POM121: variants seen among roughly 807,000 people sequenced by gnomAD.
POM121 encodes nuclear envelope pore membrane protein POM 121.
POM121 carries 32 observed loss-of-function variants against 81.3 expected under a neutral mutation model. That is an observed-to-expected ratio of 0.39 (90% CI 0.30 to 0.53). The LOEUF (loss-of-function observed/expected upper bound fraction) is 0.53. Among genes scored for constraint, POM121 ranks in the 20% least tolerant of loss-of-function variants. The pLI, the probability that POM121 is intolerant of heterozygous loss-of-function variation, is 0.66. For missense variants in POM121, 1,138 were observed against 1,614.6 expected (o/e 0.70, Z 5.06); for synonymous variants, 514 against 694.2 (o/e 0.74, Z 4.08).
chr7:72,948,893 T>A, downstream of POM121: 1 of 1,611,642 alleles, frequency 6.2e-7, no homozygotes, highest in South Asian at 1.1e-5. Context: ...GCCCTGTACC[T>A]GAAGGCGCCC....
At chr7:72,892,719 G>A (rs1427031312) in intron 3 of POM121, among the ~76,000 whole-genome samples, 4 of 151,506 alleles carry the variant, frequency 2.6e-5, no homozygotes, top group Non-Finnish European at 4.4e-5. Context: ...AGGCTGGAGT[G>A]CAATGGCATG....
Position 72,943,198 on chromosome 7 carries a change from A to G in POM121, c.3205A>G (p.Thr1069Ala), listed in dbSNP as rs782644189. The G allele has an allele frequency of 1.3e-5, 21 of 1,613,170 alleles. No individual in the cohort carries two copies. In the South Asian group the frequency reaches 2.2e-4, roughly 17 times the overall value. ...CACTGCTGTCTTCTTCGGTGCAGCC[A>G]CCAGCTCCGGCTTTGGAGCCACCAC... ...GSTAVFFGAA[T>A]SSGFGATTQT... The change falls in exon 11 of 13, where the codon ACC becomes GCC. Residue 1069 changes from threonine to alanine, a missense_variant. Physicochemically the swap from Thr to Ala is moderately conservative, Grantham distance 58. This residue lies in a region of POM121 where 336 missense variants were observed against 344.3 expected (regional missense o/e 0.98). Transcript: ENST00000434423.
chr7:72,902,612 T>A (rs529813160), intron 3 of POM121, among the ~76,000 whole-genome samples: 57 of 152,282 alleles, frequency 3.7e-4, no homozygotes, highest in Non-Finnish European at 7.6e-4. Flanking sequence ...CACTGCAGGC[T>A]TGACTTCTCA....
chr7:72,901,214 T>G (rs1160422489), intron 3 of POM121, among the ~76,000 whole-genome samples: 8 of 151,650 alleles, frequency 5.3e-5, no homozygotes, highest in Non-Finnish European at 1.2e-4. Context: ...TTTTTTCTTT[T>G]TTTCTTTTTT....
At chr7:72,912,704 G>A (rs1407955320) in intron 3 of POM121, among the ~76,000 whole-genome samples, 32 of 152,108 alleles carry the variant, frequency 2.1e-4, no homozygotes, top group African/African-American at 7.2e-4. Flanking sequence ...GCTTGAACCC[G>A]GGAGGCAGAG....
Position 72,940,982 on chromosome 7 carries a change from C to A in POM121, c.1832C>A (p.Pro611Gln), listed in dbSNP as rs558321367. ...AAGATGCAGACTCCCCCGAGCCTGCCACCCTGCCCAGGTGAGCTGGAGTGG... is the reference window on the plus strand; with the variant it reads ...AAGATGCAGACTCCCCCGAGCCTGCAACCCTGCCCAGGTGAGCTGGAGTGG... The part of the protein sequence containing the change: ...LKKMQTPPSL[P>Q]PCPESAGAAT... Residue 611 changes from proline (P) to glutamine (Q), a missense_variant, in exon 10 of 13, where the codon CCA becomes CAA. Transcript: ENST00000434423. 6.3e-7 allele frequency: 1 copy of A among 1,588,826 alleles called. No homozygotes were observed. Among genetic ancestry groups the A allele is most frequent in the African/African-American group, 1.4e-5 (1 of 73,054 alleles).
chr7:72,936,694 G>A (rs1200086397), intron 5 of POM121, among the ~76,000 whole-genome samples: 2 of 152,204 alleles, frequency 1.3e-5, no homozygotes, highest in Non-Finnish European at 2.9e-5. Flanking sequence ...TTACAGGTGT[G>A]AGCCACCTCG....
At chr7:72,929,035 C>A (rs1279888273) in intron 4 of POM121, among the ~76,000 whole-genome samples, 1 of 152,196 alleles carries the variant, frequency 6.6e-6, no homozygotes, top group East Asian at 1.9e-4. Context: ...GTGGTCAGAT[C>A]AGTGTACTGC....
intron 3 of POM121, among the ~76,000 whole-genome samples, chr7:72,907,962 A>AT (rs1169369230): frequency 2.0e-5 from 3 of 151,034 alleles, no homozygotes; most frequent in Admixed American, 6.6e-5. Context: ...TTTCTATGTA[A>AT]TTTTTTTTCT....
intron 3 of POM121, among the ~76,000 whole-genome samples, chr7:72,894,639 G>GAGAGAA (rs1791708415): frequency 8.4e-6 from 1 of 118,672 alleles, no homozygotes; most frequent in African/African-American, 3.6e-5. Flanking sequence ...GAGAGAGAGA[G>GAGAGAA]AGAGAGAGAG....
chr7:72,891,942 A>G (rs62463394), intron 3 of POM121, among the ~76,000 whole-genome samples: 17,128 of 152,080 alleles, frequency 0.11, 1,255 homozygotes, highest in East Asian at 0.31. Context: ...TATTTCCCCA[A>G]GTCCATGCTC....
At chr7:72,890,993 C>G in exon 3 of POM121, 1 of 1,196,546 alleles carries the variant, frequency 8.4e-7, no homozygotes, top group Admixed American at 1.9e-5. Context: ...TGCCCAAGTC[C>G]TTCTTCTTTT....
rs549288638 is a variant in POM121 at position 72,898,934 on chromosome 7, G to GCTC, written c.-216+7825_-216+7827dup. On this transcript the variant is annotated intron_variant, in intron 3 of 15. Transcript: ENST00000395270. ...GAGGGTGAGTTCTTTGAGAGGAGAG[G>GCTC]CTCTGTTTTATTTTGTGTTTCTGTG... 3.0e-4 allele frequency among the ~76,000 whole-genome samples: 46 copies of GCTC among 151,080 alleles called. No individual in the cohort carries two copies. In the South Asian group the frequency reaches 9.4e-3, roughly 31 times the overall value.
In POM121 at chr7:72,928,485, G is replaced by A; in HGVS notation, c.1103+20G>A. ...GCCTAAGTAAGTGGGAGTCCATCCG[G>A]ATGAAATACCAACTGTTTGGAAAAA... On this transcript the variant is annotated intron_variant, in intron 4 of 12. Coordinates refer to ENST00000434423, the MANE Select transcript of POM121 (RefSeq NM_001387691.1). The A allele has an allele frequency of 4.3e-6, 7 of 1,609,590 alleles. No homozygotes were observed. Among genetic ancestry groups the A allele is most frequent in the Non-Finnish European group, 6.0e-6 (7 of 1,175,876 alleles).
chr7:72,897,343 A>G (rs1554491860), intron 3 of POM121, among the ~76,000 whole-genome samples: 2 of 152,214 alleles, frequency 1.3e-5, no homozygotes, highest in African/African-American at 2.4e-5. Context: ...AAGGAACAGC[A>G]TTCCAGAGAG....
At chr7:72,893,193 T>C (rs1358802419) in intron 3 of POM121, among the ~76,000 whole-genome samples, 3 of 152,044 alleles carry the variant, frequency 2.0e-5, no homozygotes, top group Non-Finnish European at 4.4e-5. Flanking sequence ...ACTCTTGGCC[T>C]TGTGATCTGC....
At chr7:72,933,166 A>G (rs1473662842) in intron 5 of POM121, among the ~76,000 whole-genome samples, 1 of 152,150 alleles carries the variant, frequency 6.6e-6, no homozygotes, top group Admixed American at 6.5e-5. Context: ...AGCCTGGCCA[A>G]CGTGGCAAAA....
At chr7:72,905,237 A>G (rs1338520795) in intron 3 of POM121, among the ~76,000 whole-genome samples, 1 of 152,132 alleles carries the variant, frequency 6.6e-6, no homozygotes, top group Non-Finnish European at 1.5e-5. Context: ...AAATAATTCA[A>G]TATGTTTTCC....
rs782694881 is a variant in POM121 at position 72,942,842 on chromosome 7, T to C, written c.2849T>C (p.Ile950Thr). The part of the protein sequence containing the change: ...FSNTSTPTFN[I>T]PFGSSAKSPL... ...AACACGAGCACCCCCACGTTCAACA[T>C]TCCCTTTGGCTCAAGCGCCAAGTCC... The change falls in exon 11 of 13, where the codon ATT (isoleucine) becomes ACT (threonine). Residue 950 changes from isoleucine to threonine, a missense_variant. Ile to Thr is a moderately conservative substitution (Grantham distance 89, BLOSUM62 -1). Transcript: ENST00000434423. The C allele has an allele frequency of 3.2e-6, 5 of 1,574,094 alleles. No individual in the cohort carries two copies. In the Admixed American group the frequency reaches 7.5e-5, roughly 23 times the overall value.
Sources: allele counts gnomAD v4.1 joint callset (sites outside exome capture counted in the v4.1 genomes callset), GRCh38; gene constraint gnomAD v4.1.1; regional missense constraint gnomAD v4.1.1; transcripts MANE v1.5; gene names NCBI Gene and HGNC (gene_info 2026-07-23, HGNC 2026-07-21).